FIP1L1: variants seen among roughly 807,000 people sequenced by gnomAD.
The protein encoded by FIP1L1 is factor interacting with PAPOLA and CPSF1.
In FIP1L1, 21 loss-of-function variants were observed where a neutral mutation model predicts 84.6. The ratio of observed to expected loss-of-function variants is 0.25; its 90% CI spans 0.18 to 0.36. The LOEUF (loss-of-function observed/expected upper bound fraction) is 0.36, where lower values mean the gene tolerates loss of function less well. Ranked by LOEUF, FIP1L1 falls within the 10% of genes least tolerant of loss-of-function variation. The pLI is 1.00. For missense variants in FIP1L1, 526 were observed against 751.1 expected (o/e 0.70, Z 3.50); for synonymous variants, 263 against 242.3 (o/e 1.09, Z -0.80).
rs746364960 is a variant in FIP1L1, at chr4:53,444,087, A to G, written c.1269A>G (p.Ala423=). The change falls in exon 15 of 18, where the codon GCA becomes GCG. Residue 423 remains alanine (A), a synonymous_variant. Coordinates refer to ENST00000337488, the MANE Select transcript of FIP1L1 (RefSeq NM_030917.4). ...SSGYDSRSAR[A]FPYGNVAFPH... ...GTTATGATAGTCGTTCTGCACGTGC[A>G]TTTCCATATGGCAATGGTAAGTAGT... The G allele has an allele frequency of 3.7e-6, 6 of 1,604,916 alleles. No individual in the cohort carries two copies. The highest frequency in any genetic ancestry group is 4.3e-6 in the Non-Finnish European group (5 of 1,172,084).
rs1578586161 is a variant in FIP1L1 at position 53,414,763 on chromosome 4, G to T, written c.923+41G>T. 3.9e-6 allele frequency: 5 copies of T among 1,290,348 alleles called. No individual in the cohort carries two copies. In the East Asian group the frequency reaches 1.2e-4, roughly 30 times the overall value. The allele number at this position is 1,290,348 out of a possible 1,614,324, so 79.9% of individuals were successfully genotyped here. A position where few individuals can be genotyped will look rare whatever the true frequency, so the allele number is the denominator to read the frequency against. On this transcript the variant is annotated intron_variant, in intron 11 of 17. Coordinates refer to ENST00000337488, the MANE Select transcript of FIP1L1 (RefSeq NM_030917.4). ...AACATTGGATACTCCCTGATGTTTA[G>T]ATCATCAATGTTGTTATGCCTTATT...
intron 10 of FIP1L1, among the ~76,000 whole-genome samples, chr4:53,408,687 T>C (rs1172785832): frequency 2.6e-5 from 4 of 152,148 alleles, no homozygotes; most frequent in African/African-American, 9.7e-5. Flanking sequence ...GGAGGCTTTG[T>C]TCGTTTCTTT....
At chr4:53,397,616 C>G (rs1748074851) in intron 9 of FIP1L1, among the ~76,000 whole-genome samples, 1 of 152,236 alleles carries the variant, frequency 6.6e-6, no homozygotes, top group South Asian at 2.1e-4. Context: ...GTGATAACCT[C>G]TCAGTGTAAA....
chr4:53,432,398 C>CAAAAAAAAAAAAAAAAAAAAA (rs35596754), intron 13 of FIP1L1, among the ~76,000 whole-genome samples: 1 of 68,404 alleles, frequency 1.5e-5, no homozygotes, highest in Non-Finnish European at 2.6e-5. Flanking sequence ...AACTCCATCT[C>CAAAAAAAAAAAAAAAAAAAAA]AAAAAAAAAA....
chr4:53,453,443 T>C (rs2150399175), intron 16 of FIP1L1, among the ~76,000 whole-genome samples: 1 of 152,332 alleles, frequency 6.6e-6, no homozygotes, highest in East Asian at 1.9e-4. Flanking sequence ...ATTATAAATA[T>C]TAATATTTAA....
chr4:53,403,383 T>C (rs764293273), intron 10 of FIP1L1, among the ~76,000 whole-genome samples: 5 of 152,210 alleles, frequency 3.3e-5, no homozygotes, highest in Non-Finnish European at 5.9e-5. Flanking sequence ...TGTTTTTAGA[T>C]TGGTGTAAAA....
Position 53,389,870 on chromosome 4 carries a change from A to G in FIP1L1, c.394A>G (p.Thr132Ala), listed in dbSNP as rs757166849. The G allele has an allele frequency of 5.6e-6, 9 of 1,601,236 alleles. No homozygotes were observed. Among genetic ancestry groups the G allele is most frequent in the Middle Eastern group, 3.3e-4 (2 of 6,022 alleles). ...GACAGGGGGAAGAGTTTATGGAACT[A>G]CAGGTAAAATTTGTATTTTCTGTTG... is the stretch of plus-strand genomic sequence containing the variant. ...IKTGGRVYGT[T>A]GTKVKGVDLD... Residue 132 changes from threonine to alanine, a missense_variant, in exon 6 of 18, where the codon ACA becomes GCA. Around this residue, in one of 6 missense-constraint regions of FIP1L1, gnomAD observed 169 missense variants for 206.9 expected, o/e 0.82. Transcript: ENST00000337488.
At chr4:53,380,105 G>A (rs755362297) in intron 3 of FIP1L1, among the ~76,000 whole-genome samples, 1 of 152,192 alleles carries the variant, frequency 6.6e-6, no homozygotes, top group Admixed American at 6.5e-5. Context: ...TTCTCAAATG[G>A]TGAAACATGG....
intron 9 of FIP1L1, among the ~76,000 whole-genome samples, chr4:53,397,640 AAATAGTCTGG>A (rs765969090): frequency 1.3e-5 from 2 of 152,264 alleles, no homozygotes; most frequent in Non-Finnish European, 2.9e-5. Flanking sequence ...AACAATCTGT[AAATAGTCTGG>A]AATATCTGTG....
At chr4:53,455,457 T>C (rs1472658359) in intron 16 of FIP1L1, among the ~76,000 whole-genome samples, 2 of 152,148 alleles carry the variant, frequency 1.3e-5, no homozygotes, top group Non-Finnish European at 2.9e-5. Flanking sequence ...TAGAGGCCAT[T>C]GTAGGGTTAT....
At chr4:53,415,529 G>GTTTTTTTTT (rs770097857) in intron 11 of FIP1L1, among the ~76,000 whole-genome samples, 3 of 144,624 alleles carry the variant, frequency 2.1e-5, no homozygotes, top group Non-Finnish European at 3.0e-5. Flanking sequence ...TTTGTTTTTT[G>GTTTTTTTTT]TTTTTTTTTT....
intron 10 of FIP1L1, among the ~76,000 whole-genome samples, chr4:53,405,156 T>TAGAC (rs1362380375): frequency 1.3e-5 from 2 of 152,228 alleles, no homozygotes; most frequent in African/African-American, 4.8e-5. Flanking sequence ...AACATTTAAG[T>TAGAC]CTTTAATCCA....
At chr4:53,433,999 G>T (rs1223904071) in intron 13 of FIP1L1, among the ~76,000 whole-genome samples, 1 of 152,080 alleles carries the variant, frequency 6.6e-6, no homozygotes, top group Non-Finnish European at 1.5e-5. Context: ...GGGTCATTCT[G>T]CATTTCCTCT....
Position 53,381,753 on chromosome 4 carries a change from C to CTTTTTTTTTTTTTTT in FIP1L1, c.171-515_171-501dup, listed in dbSNP as rs531488760. 1.0e-2 allele frequency among the ~76,000 whole-genome samples: 875 copies of CTTTTTTTTTTTTTTT among 87,788 alleles called. 177 individuals are homozygous for CTTTTTTTTTTTTTTT. Among genetic ancestry groups the CTTTTTTTTTTTTTTT allele is most frequent in the East Asian group, 0.021 (50 of 2,396 alleles). 57.6% of individuals were successfully genotyped at this position (87,788 alleles called of 152,430 possible). A position where few individuals can be genotyped will look rare whatever the true frequency, so the allele number is the denominator to read the frequency against. ...AATAAACTGTGAAGGCATTTGCATT[C>CTTTTTTTTTTTTTTT]TTTTTTTTTTTTTTTTTTTTTTTTG... On this transcript the variant is annotated intron_variant, in intron 3 of 17. Coordinates refer to ENST00000337488, the MANE Select transcript of FIP1L1 (RefSeq NM_030917.4).
At chr4:53,419,581 C>T (rs1761251915) in intron 11 of FIP1L1, among the ~76,000 whole-genome samples, 1 of 152,094 alleles carries the variant, frequency 6.6e-6, no homozygotes, top group South Asian at 2.1e-4. Context: ...GCTGGGACTA[C>T]AGGCATGCCC....
chr4:53,378,402 A>T (rs1735880282), intron 1 of FIP1L1: 1 of 153,142 alleles, frequency 6.5e-6, no homozygotes. Context: ...CTTGATGGTC[A>T]GTTTGTATGG....
intron 13 of FIP1L1, among the ~76,000 whole-genome samples, chr4:53,441,337 A>G (rs564437342): frequency 3.9e-5 from 6 of 152,060 alleles, no homozygotes. Flanking sequence ...ATAAACAGAA[A>G]GAGTGAAGTT....
intron 11 of FIP1L1, among the ~76,000 whole-genome samples, chr4:53,415,570 C>T (rs1236560031): frequency 4.1e-5 from 6 of 146,120 alleles, no homozygotes; most frequent in East Asian, 4.0e-4. Flanking sequence ...AAGCTATTTA[C>T]CTGGTTAGCT....
chr4:53,437,343 AAAAAAAAAAAG>A, intron 13 of FIP1L1, among the ~76,000 whole-genome samples: 1 of 151,090 alleles, frequency 6.6e-6, no homozygotes, highest in East Asian at 1.9e-4. Context: ...AAAAAAAAAA[AAAAAAAAAAAG>A]AGAGAGAAAT....
Sources: allele counts gnomAD v4.1 joint callset (sites outside exome capture counted in the v4.1 genomes callset), GRCh38; gene constraint gnomAD v4.1.1; regional missense constraint gnomAD v4.1.1; transcripts MANE v1.5; gene names NCBI Gene and HGNC (gene_info 2026-07-23, HGNC 2026-07-21).